TP63: variants seen among roughly 807,000 people sequenced by gnomAD.
TP63 encodes the protein tumor protein 63.
TP63 carries 17 observed loss-of-function variants against 82.8 expected under a neutral mutation model. The observed-to-expected ratio is 0.21, with a 90% CI of 0.14 to 0.31. The LOEUF (loss-of-function observed/expected upper bound fraction) is 0.31, where lower values mean the gene tolerates loss of function less well. Ranked by LOEUF, TP63 falls within the 10% of genes least tolerant of loss-of-function variation. TP63 has a pLI of 1.00. For missense variants in TP63, 648 were observed against 895.3 expected (o/e 0.72, Z 3.52); for synonymous variants, 330 against 321.7 (o/e 1.03, Z -0.28).
intron 1 of TP63, among the ~76,000 whole-genome samples, chr3:189,689,218 C>T (rs560986082): frequency 2.8e-5 from 4 of 145,430 alleles, no homozygotes; most frequent in African/African-American, 5.0e-5. Flanking sequence ...CAGGTTCAAG[C>T]GATTCTCCTG....
intron 11 of TP63, among the ~76,000 whole-genome samples, chr3:189,887,425 G>T (rs1039811564): frequency 6.6e-6 from 1 of 152,044 alleles, no homozygotes; most frequent in Non-Finnish European, 1.5e-5. Context: ...ACTGATCTAC[G>T]AAGGAACCTG....
At chr3:189,866,495 A>AAT (rs1717744014) in intron 5 of TP63, among the ~76,000 whole-genome samples, 187 bp from the exon 6 acceptor site, 1 of 152,192 alleles carries the variant, frequency 6.6e-6, no homozygotes, top group Admixed American at 6.5e-5. Context: ...CTGTTGCTAT[A>AAT]AAGGTTATGA....
chr3:189,694,398 C>T (rs960965149), intron 1 of TP63, among the ~76,000 whole-genome samples: 2 of 152,096 alleles, frequency 1.3e-5, no homozygotes, highest in Non-Finnish European at 2.9e-5. Context: ...TGTTCCAAGA[C>T]CTTATTCAGA....
At chr3:189,884,275 C>G (rs952411766) in intron 10 of TP63, among the ~76,000 whole-genome samples, 1 of 152,188 alleles carries the variant, frequency 6.6e-6, no homozygotes, top group African/African-American at 2.4e-5. Flanking sequence ...AAGGTTCCCC[C>G]ACAGGGACGG....
At chr3:189,679,494 A>G (rs1473917445) in intron 1 of TP63, among the ~76,000 whole-genome samples, 3 of 152,052 alleles carry the variant, frequency 2.0e-5, no homozygotes, top group African/African-American at 4.8e-5. Flanking sequence ...TTTTCTTGCA[A>G]TTGAGTTGTT....
In TP63 at chr3:189,895,648, C is replaced by A; in HGVS notation, c.*1146C>A. On this transcript the variant is annotated 3_prime_UTR_variant, in exon 14 of 14. Coordinates refer to ENST00000264731, the MANE Select transcript of TP63 (RefSeq NM_003722.5). ...ATATCTCAATGAACCATAAATTCAA[C>A]TTTGTAAAAATCTTTTGAAGCATAG... 1 of 226,892 alleles carries A rather than the reference C, an allele frequency of 4.4e-6. No homozygotes were observed. The highest frequency in any genetic ancestry group is 8.7e-6 in the Non-Finnish European group (1 of 114,288). The allele number at this position is 226,892 out of a possible 1,614,324, so 14.1% of individuals were successfully genotyped here. A position where few individuals can be genotyped will look rare whatever the true frequency, so the allele number is the denominator to read the frequency against.
intron 4 of TP63, among the ~76,000 whole-genome samples, chr3:189,819,747 C>CT (rs367763002): frequency 0.26 from 23,306 of 89,708 alleles, 3,328 homozygotes; most frequent in Non-Finnish European, 0.29. Flanking sequence ...TATATTTTAC[C>CT]TTTTTTTTTT....
chr3:189,849,783 G>C (rs1405472485), intron 4 of TP63, among the ~76,000 whole-genome samples: 1 of 152,062 alleles, frequency 6.6e-6, no homozygotes, highest in Non-Finnish European at 1.5e-5. Flanking sequence ...ATAAATATTT[G>C]CTGAATTAAT....
intron 1 of TP63, among the ~76,000 whole-genome samples, chr3:189,654,028 A>G: frequency 6.6e-6 from 1 of 152,158 alleles, no homozygotes; most frequent in East Asian, 1.9e-4. Context: ...TAATGACTAG[A>G]ACCTCTCTCT....
Position 189,866,662 on chromosome 3 carries a change from T to C in TP63, c.767-20T>C, listed in dbSNP as rs749095142. On this transcript the variant is annotated intron_variant, in intron 5 of 13. Coordinates refer to ENST00000264731, the MANE Select transcript of TP63 (RefSeq NM_003722.5). The stretch of plus-strand genomic sequence containing the variant: ...TTTTAAGGTAAAGAACTAACTCTTT[T>C]ATTGTTTTCTGCTCTGCAGGACAGA... 2 of 1,606,518 alleles carry C rather than the reference T, an allele frequency of 1.2e-6. No individual in the cohort carries two copies. Among genetic ancestry groups the C allele is most frequent in the South Asian group, 2.2e-5 (2 of 90,892 alleles).
At chr3:189,789,090 G>A (rs1358946650) in intron 3 of TP63, among the ~76,000 whole-genome samples, 1 of 151,914 alleles carries the variant, frequency 6.6e-6, no homozygotes, top group Non-Finnish European at 1.5e-5. Flanking sequence ...AGCTTATTTT[G>A]TAATTGCTTG....
At chr3:189,792,810 A>G (rs1260449157) in intron 3 of TP63, among the ~76,000 whole-genome samples, 1 of 152,092 alleles carries the variant, frequency 6.6e-6, no homozygotes, top group Non-Finnish European at 1.5e-5. Context: ...ATGCAAGAAA[A>G]AAAGTGTGGA....
At chr3:189,768,160 C>A (rs1008244117) in intron 3 of TP63, among the ~76,000 whole-genome samples, 2 of 152,110 alleles carry the variant, frequency 1.3e-5, no homozygotes, top group Non-Finnish European at 2.9e-5. Context: ...GTTGCTGTTG[C>A]TGTTTTTTTG....
At chr3:189,830,375 CA>C (rs1712137578) in intron 4 of TP63, among the ~76,000 whole-genome samples, 2 of 151,914 alleles carry the variant, frequency 1.3e-5, no homozygotes. Flanking sequence ...GGGATAGAGA[CA>C]AAATTCATTC....
At chr3:189,669,843 G>A (rs1379334954) in intron 1 of TP63, among the ~76,000 whole-genome samples, 1 of 151,942 alleles carries the variant, frequency 6.6e-6, no homozygotes, top group African/African-American at 2.4e-5. Context: ...CCCAAAAGTG[G>A]CAAGAAAGGA....
chr3:189,660,365 G>A (rs937948301), intron 1 of TP63, among the ~76,000 whole-genome samples: 4 of 151,942 alleles, frequency 2.6e-5, no homozygotes, highest in Admixed American at 2.6e-4. Flanking sequence ...ATAGGTGTAT[G>A]GCTGTCTGTC....
At chr3:189,661,053 G>C (rs185633130) in intron 1 of TP63, among the ~76,000 whole-genome samples, 1 of 151,678 alleles carries the variant, frequency 6.6e-6, no homozygotes, top group Non-Finnish European at 1.5e-5. Flanking sequence ...TTTCTATTTG[G>C]GTGTCTTTCA....
Position 189,772,795 on chromosome 3 carries a change from C to T in TP63, c.324+34021C>T, listed in dbSNP as rs1472826076. ...TAGAGGGCTAAGCAGGGGATCAAAT[C>T]CCCCCTTTGTAGTGAGACAAGCTGC... On this transcript the variant is annotated intron_variant, in intron 3 of 13. Transcript: ENST00000264731. Among the ~76,000 whole-genome samples, 5 of 152,106 alleles carry T rather than the reference C, an allele frequency of 3.3e-5. 1 individual carries two copies. The highest frequency in any genetic ancestry group is 3.3e-4 in the Admixed American group (5 of 15,268).
At chr3:189,882,842 C>T (rs1720070502) in intron 10 of TP63, among the ~76,000 whole-genome samples, 1 of 152,146 alleles carries the variant, frequency 6.6e-6, no homozygotes, top group South Asian at 2.1e-4. Context: ...TGTGCAGAAG[C>T]TTATATTGTT....
Sources: allele counts gnomAD v4.1 joint callset (sites outside exome capture counted in the v4.1 genomes callset), GRCh38; gene constraint gnomAD v4.1.1; transcripts MANE v1.5; gene names NCBI Gene and HGNC (gene_info 2026-07-23, HGNC 2026-07-21).